The following AUTS2 variants were observed in gnomAD, a reference collection of about 807,000 sequenced individuals.
AUTS2 encodes the protein autism susceptibility gene 2 protein.
A neutral mutation model predicts 112.4 loss-of-function variants in AUTS2; 17 were observed. The ratio of observed to expected loss-of-function variants is 0.15; its 90% confidence interval spans 0.10 to 0.23. The LOEUF (loss-of-function observed/expected upper bound fraction) is 0.23, where lower values mean the gene tolerates loss of function less well. AUTS2 is among the 10% of genes least tolerant of loss of function. AUTS2 has a pLI of 1.00. For missense variants in AUTS2, 1,510 were observed against 1,701.6 expected (o/e 0.89, Z 1.98); for synonymous variants, 751 against 702.7 (o/e 1.07, Z -1.09).
chr7:70,715,155 C>T (rs1810286088), intron 6 of AUTS2, among the ~76,000 whole-genome samples: 1 of 152,190 alleles, frequency 6.6e-6, no homozygotes. Flanking sequence ...TCAATTCTCT[C>T]CTTCTAATTG....
intron 4 of AUTS2, among the ~76,000 whole-genome samples, chr7:70,198,351 G>C (rs923236834): frequency 6.6e-6 from 1 of 151,766 alleles, no homozygotes; most frequent in African/African-American, 2.4e-5. Flanking sequence ...GAATGATTTT[G>C]ACAAGCTGAG....
At chr7:69,872,091 A>C (rs181099278) in intron 1 of AUTS2, among the ~76,000 whole-genome samples, 43 of 152,316 alleles carry the variant, frequency 2.8e-4, no homozygotes, top group African/African-American at 1.0e-3. Flanking sequence ...AAGTTCAAAG[A>C]TAAGATTATA....
At chr7:70,498,048 G>A (rs1798625942) in intron 5 of AUTS2, among the ~76,000 whole-genome samples, 1 of 152,346 alleles carries the variant, frequency 6.6e-6, no homozygotes, top group South Asian at 2.1e-4. Context: ...AAAGCAGGAA[G>A]AGGGGTAGAC....
At chr7:69,677,298 C>T (rs1461124189) in intron 1 of AUTS2, among the ~76,000 whole-genome samples, 1 of 152,130 alleles carries the variant, frequency 6.6e-6, no homozygotes, top group Non-Finnish European at 1.5e-5. Context: ...TTTCTGGCAA[C>T]AAATCCAAGG....
chr7:70,083,981 A>T (rs1485451581), intron 2 of AUTS2, among the ~76,000 whole-genome samples: 1 of 151,736 alleles, frequency 6.6e-6, no homozygotes, highest in Non-Finnish European at 1.5e-5. Flanking sequence ...ATCACCCCCA[A>T]AAGTTTCCTC....
At chr7:70,064,676 G>C (rs1371987983) in intron 2 of AUTS2, among the ~76,000 whole-genome samples, 1 of 152,194 alleles carries the variant, frequency 6.6e-6, no homozygotes, top group African/African-American at 2.4e-5. Flanking sequence ...TGTGGTACCT[G>C]ATGGACCATG....
At chr7:70,311,058 A>G (rs546397302) in intron 4 of AUTS2, among the ~76,000 whole-genome samples, 2 of 152,304 alleles carry the variant, frequency 1.3e-5, no homozygotes, top group East Asian at 3.9e-4. Context: ...CTCCCTCTCC[A>G]TAGGCCTGTT....
intron 4 of AUTS2, among the ~76,000 whole-genome samples, chr7:70,271,966 C>T (rs557773304): frequency 3.3e-5 from 5 of 152,222 alleles, no homozygotes; most frequent in African/African-American, 7.2e-5. Flanking sequence ...GAGACAAGGC[C>T]CAACGCCCTA....
intron 2 of AUTS2, among the ~76,000 whole-genome samples, chr7:70,021,646 G>T (rs1332078070): frequency 6.6e-6 from 1 of 152,136 alleles, no homozygotes; most frequent in Non-Finnish European, 1.5e-5. Flanking sequence ...ATTTCGTAAG[G>T]CTGTGATGCC....
intron 4 of AUTS2, among the ~76,000 whole-genome samples, chr7:70,420,189 C>T (rs1432770603): frequency 3.3e-5 from 5 of 152,184 alleles, no homozygotes; most frequent in African/African-American, 1.2e-4. Flanking sequence ...GGACTCTTCA[C>T]ATTCTACTCA....
intron 2 of AUTS2, among the ~76,000 whole-genome samples, chr7:70,003,580 T>C (rs979229077): frequency 8.0e-6 from 1 of 125,402 alleles, no homozygotes. Flanking sequence ...TATATGTATA[T>C]ATAATATATA....
intron 5 of AUTS2, among the ~76,000 whole-genome samples, chr7:70,589,270 A>G (rs1458001742): frequency 7.0e-6 from 1 of 143,538 alleles, no homozygotes; most frequent in Non-Finnish European, 1.6e-5. Flanking sequence ...CACTCCTCCC[A>G]TGTGGGGAAC....
At position 69,779,379 on chromosome 7, in the gene AUTS2, C is replaced by G. The variant is rs138499575; in HGVS notation, c.310-119907C>G. On this transcript the variant is annotated intron_variant, in intron 1 of 18. Coordinates refer to ENST00000342771, the MANE Select transcript of AUTS2 (RefSeq NM_015570.4). ...AGAAAGGATGGGAAGAGCTTGTTTC[C>G]TGATCTTTACAAAAAATGCTGCCAC... Among the ~76,000 whole-genome samples the G allele has an allele frequency of 3.0e-3, 455 of 152,196 alleles. 4 individuals are homozygous for G. The highest frequency in any genetic ancestry group is 0.01 in the African/African-American group (435 of 41,534).
chr7:69,931,136 C>A (rs1796211754), intron 2 of AUTS2, among the ~76,000 whole-genome samples: 1 of 151,970 alleles, frequency 6.6e-6, no homozygotes, highest in Non-Finnish European at 1.5e-5. Context: ...CACACACACA[C>A]ACACACACAC....
intron 1 of AUTS2, among the ~76,000 whole-genome samples, chr7:69,793,085 A>G (rs1395921435): frequency 6.6e-6 from 1 of 152,266 alleles, no homozygotes; most frequent in East Asian, 1.9e-4. Context: ...ACTGGATACA[A>G]GGAGGGCTGG....
intron 5 of AUTS2, among the ~76,000 whole-genome samples, chr7:70,486,540 A>G (rs947575851): frequency 1.8e-4 from 28 of 152,302 alleles, no homozygotes; most frequent in African/African-American, 6.5e-4. Flanking sequence ...GTTCGAGACC[A>G]GCCTGACCAA....
At chr7:70,228,847 C>A (rs999887201) in intron 4 of AUTS2, among the ~76,000 whole-genome samples, 3 of 151,754 alleles carry the variant, frequency 2.0e-5, no homozygotes, top group African/African-American at 7.3e-5. Flanking sequence ...GAAGTTAAGA[C>A]AAAGACAAGA....
chr7:69,793,457 T>C lies in AUTS2; in HGVS notation c.310-105829T>C, dbSNP rs76572831. Among the ~76,000 whole-genome samples the C allele has an allele frequency of 4.1e-3, 632 of 152,338 alleles. 7 individuals carry two copies. Among genetic ancestry groups the C allele is most frequent in the East Asian group, 0.012 (64 of 5,180 alleles). On this transcript the variant is annotated intron_variant, in intron 1 of 18. Transcript: ENST00000342771. Reference sequence around the variant, plus strand: ...TTCTTTCTAATGATGTAGACAGTCCTGACACAGAACTATGGCAGACTTAGT... The same window carrying C: ...TTCTTTCTAATGATGTAGACAGTCCCGACACAGAACTATGGCAGACTTAGT...
chr7:70,274,595 AT>A, intron 4 of AUTS2, among the ~76,000 whole-genome samples: 1 of 152,006 alleles, frequency 6.6e-6, no homozygotes. Flanking sequence ...CCAGCCTTCA[AT>A]TTTTTTGTTA....
Sources: allele counts gnomAD v4.1 joint callset (sites outside exome capture counted in the v4.1 genomes callset), GRCh38; gene constraint gnomAD v4.1.1; transcripts MANE v1.5; gene names NCBI Gene and HGNC (gene_info 2026-07-23, HGNC 2026-07-21).